The following CCDC6 variants were observed in gnomAD, a reference collection of about 807,000 sequenced individuals.
CCDC6 encodes coiled-coil domain-containing protein 6.
CCDC6 carries 20 observed loss-of-function variants against 56.6 expected under a neutral mutation model. That is an observed-to-expected ratio of 0.35 (90% CI 0.25 to 0.51). The LOEUF (loss-of-function observed/expected upper bound fraction) is 0.51, where lower values mean the gene tolerates loss of function less well. Among genes scored for constraint, CCDC6 ranks in the 20% least tolerant of loss-of-function variants. The probability of loss-of-function intolerance (pLI) is 0.95; values close to 1 mark genes in which losing one functional copy is unlikely to be tolerated. For missense variants in CCDC6, 367 were observed against 601.1 expected (o/e 0.61, Z 4.07); for synonymous variants, 241 against 234.4 (o/e 1.03, Z -0.26).
At chr10:59,862,570 T>TACACACACACACACAC (rs907275659) in intron 1 of CCDC6, among the ~76,000 whole-genome samples, 2 of 96,410 alleles carry the variant, frequency 2.1e-5, no homozygotes, top group Non-Finnish European at 4.1e-5. Flanking sequence ...TATATACACA[T>TACACACACACACACAC]ACACACACAC....
intron 1 of CCDC6, among the ~76,000 whole-genome samples, chr10:59,871,591 G>A (rs530267989): frequency 6.6e-6 from 1 of 152,158 alleles, no homozygotes; most frequent in Admixed American, 6.5e-5. Flanking sequence ...TGGTTGGAGA[G>A]CCTGGAGCAG....
intron 2 of CCDC6, among the ~76,000 whole-genome samples, chr10:59,840,771 T>C (rs2132649058): frequency 6.6e-6 from 1 of 152,336 alleles, no homozygotes. Context: ...TGATCCTTTT[T>C]TTCTACACCA....
chr10:59,872,960 G>A (rs985601049), intron 1 of CCDC6, among the ~76,000 whole-genome samples: 2 of 152,088 alleles, frequency 1.3e-5, no homozygotes, highest in African/African-American at 4.8e-5. Context: ...AGCTACATTT[G>A]GCAAGCAACC....
chr10:59,812,027 T>C (rs2070676372), intron 5 of CCDC6, among the ~76,000 whole-genome samples: 1 of 145,584 alleles, frequency 6.9e-6, no homozygotes, highest in Non-Finnish European at 1.5e-5. Context: ...TACCTTTCAC[T>C]GAATTATCTG....
At chr10:59,825,839 C>T (rs2132639853) in intron 3 of CCDC6, among the ~76,000 whole-genome samples, 1 of 152,294 alleles carries the variant, frequency 6.6e-6, no homozygotes, top group South Asian at 2.1e-4. Flanking sequence ...ATTTTCTTTC[C>T]TTCCTGATAA....
chr10:59,865,248 T>C (rs2071167234), intron 1 of CCDC6, among the ~76,000 whole-genome samples: 1 of 152,142 alleles, frequency 6.6e-6, no homozygotes, highest in South Asian at 2.1e-4. Context: ...TTGGAAAACC[T>C]GCGGTGTTTC....
intron 1 of CCDC6, among the ~76,000 whole-genome samples, chr10:59,876,448 TA>T (rs1437250137): frequency 6.6e-6 from 1 of 152,064 alleles, no homozygotes; most frequent in Non-Finnish European, 1.5e-5. Flanking sequence ...TAAAAGTTTC[TA>T]ACATTTTTGA....
intron 2 of CCDC6, among the ~76,000 whole-genome samples, chr10:59,843,469 C>T (rs2132650984): frequency 6.6e-6 from 1 of 152,190 alleles, no homozygotes; most frequent in African/African-American, 2.4e-5. Context: ...CAGTTTCCTG[C>T]CAAAGATTTC....
At chr10:59,843,280 T>G (rs1246971416) in intron 2 of CCDC6, among the ~76,000 whole-genome samples, 1 of 152,264 alleles carries the variant, frequency 6.6e-6, no homozygotes. Context: ...TGTTGATCTC[T>G]AATTCAATTT....
At chr10:59,814,605 C>CAT in intron 4 of CCDC6, 47 bp downstream of exon 4, 1 of 1,116,716 alleles carries the variant, frequency 9.0e-7, no homozygotes, top group Non-Finnish European at 1.4e-6. Flanking sequence ...CAGCAACACA[C>CAT]ACACACACAC....
rs79371028 is a variant in CCDC6 at position 59,823,055 on chromosome 10, T to C, written c.583-8300A>G. On this transcript the variant is annotated intron_variant, in intron 3 of 8. Transcript: ENST00000263102. ...AGATTACCTACCTGCCCCATCCCCT[T>C]TTCAGCTCCCCTTCCAGCTAAGAGC... is the stretch of plus-strand genomic sequence containing the variant. 6.9e-4 allele frequency among the ~76,000 whole-genome samples: 105 copies of C among 152,218 alleles called. 2 individuals carry two copies. The East Asian group carries it at 0.019, about 28-fold the overall frequency.
chr10:59,815,676 T>C (rs561973029), intron 3 of CCDC6, among the ~76,000 whole-genome samples: 2 of 152,330 alleles, frequency 1.3e-5, no homozygotes, highest in African/African-American at 2.4e-5. Context: ...ACTTGACATA[T>C]TAAATAATTA....
rs146237484 is a variant in CCDC6 at position 59,862,501 on chromosome 10, G to GTATATATATA, written c.304-9809_304-9800dup. ...AGGTTCTGTCTCAAGAAAAAAAAAA[G>GTATATATATA]TATATATATATATATACACACACAC... is the stretch of plus-strand genomic sequence containing the variant. On this transcript the variant is annotated intron_variant, in intron 1 of 8. Transcript: ENST00000263102. Among the ~76,000 whole-genome samples, 53 of 85,032 alleles carry GTATATATATA rather than the reference G, an allele frequency of 6.2e-4. 1 individual carries two copies. Among genetic ancestry groups the GTATATATATA allele is most frequent in the South Asian group, 3.0e-3 (7 of 2,354 alleles). The allele number at this position is 85,032 out of a possible 152,430, so 55.8% of individuals were successfully genotyped here.
chr10:59,803,412 C>T (rs2070593225), intron 7 of CCDC6, among the ~76,000 whole-genome samples: 2 of 152,178 alleles, frequency 1.3e-5, no homozygotes, highest in South Asian at 4.1e-4. Context: ...ATGCTGCCTT[C>T]CTTCAAAGCA....
intron 2 of CCDC6, among the ~76,000 whole-genome samples, chr10:59,850,420 A>G (rs1198901101): frequency 1.3e-5 from 2 of 152,208 alleles, no homozygotes; most frequent in Admixed American, 6.5e-5. Context: ...TCTCAGGGAC[A>G]TGCTAACCAT....
At chr10:59,846,521 TAATAATAAAAA>T (rs1261851902) in intron 2 of CCDC6, among the ~76,000 whole-genome samples, 1 of 152,174 alleles carries the variant, frequency 6.6e-6, no homozygotes, top group African/African-American at 2.4e-5. Context: ...GCCAAGTCAA[TAATAATAAAAA>T]TAAGCCGTAT....
chr10:59,873,685 T>C (rs1211650877), intron 1 of CCDC6, among the ~76,000 whole-genome samples: 1 of 152,224 alleles, frequency 6.6e-6, no homozygotes, highest in Non-Finnish European at 1.5e-5. Flanking sequence ...ACTGTGGAGC[T>C]ATATTTTAAT....
intron 1 of CCDC6, among the ~76,000 whole-genome samples, chr10:59,853,358 C>A (rs1476182902): frequency 1.3e-5 from 2 of 152,052 alleles, no homozygotes; most frequent in African/African-American, 4.8e-5. Flanking sequence ...CATGGCAAAA[C>A]CCTGTCTCTA....
intron 7 of CCDC6, among the ~76,000 whole-genome samples, chr10:59,797,943 T>G (rs547088562): frequency 6.6e-6 from 1 of 152,298 alleles, no homozygotes; most frequent in African/African-American, 2.4e-5. Context: ...AGGTTTGGAT[T>G]GGGGTCCATA....
Sources: gnomAD v4.1 joint callset for allele counts (sites outside exome capture counted in the v4.1 genomes callset) on GRCh38, gnomAD v4.1.1 for gene constraint, MANE v1.5 for transcripts, NCBI Gene and HGNC (gene_info 2026-07-23, HGNC 2026-07-21) for gene names.